The following VPS13D variants were observed in gnomAD, a reference collection of about 807,000 sequenced individuals.
VPS13D encodes vacuolar protein sorting 13 homolog D, also known as intermembrane lipid transfer protein VPS13D.
Under a neutral mutation model 461.9 loss-of-function variants are expected in VPS13D, and 187 were observed. The ratio of observed to expected loss-of-function variants is 0.40; its 90% CI spans 0.36 to 0.46. The LOEUF (loss-of-function observed/expected upper bound fraction) is 0.46. Ranked by LOEUF, VPS13D falls within the 20% of genes least tolerant of loss-of-function variation. The pLI, the probability that VPS13D is intolerant of heterozygous loss-of-function variation, is 0.60. For synonymous variants in VPS13D, 1,951 were observed against 1,986.3 expected, an observed-to-expected ratio of 0.98 and a Z score of 0.47; for missense variants, 4,711 against 5,364.9, an observed-to-expected ratio of 0.88 and a Z score of 3.81.
At chr1:12,321,985 C>G in intron 33 of VPS13D, 21 bp downstream of exon 33, 2 of 1,612,404 alleles carry the variant, frequency 1.2e-6, no homozygotes, top group Non-Finnish European at 1.7e-6. Flanking sequence ...AAAATCTGTG[C>G]AATACGTTGA....
At chr1:12,432,641 G>A (rs896127457) in intron 65 of VPS13D, among the ~76,000 whole-genome samples, 9 of 149,910 alleles carry the variant, frequency 6.0e-5, no homozygotes, top group African/African-American at 2.0e-4. Context: ...AGTCTCACTG[G>A]CTGAAGTGCA....
intron 35 of VPS13D, among the ~76,000 whole-genome samples, chr1:12,327,130 C>T (rs969223300): frequency 3.3e-5 from 5 of 152,090 alleles, no homozygotes; most frequent in Non-Finnish European, 5.9e-5. Flanking sequence ...TGGGTGCTGT[C>T]GGGCACAAAG....
chr1:12,403,042 C>T (rs1410418870), intron 62 of VPS13D, among the ~76,000 whole-genome samples: 1 of 152,210 alleles, frequency 6.6e-6, no homozygotes, highest in Non-Finnish European at 1.5e-5. Context: ...GTCTCTGTTG[C>T]AGTATCATTT....
In VPS13D at chr1:12,401,528, G is replaced by A; in HGVS notation, c.11785-80G>A. The A allele has an allele frequency of 3.0e-6, 3 of 1,001,868 alleles. No homozygotes were observed. In the South Asian group the frequency reaches 4.8e-5, roughly 16 times the overall value. The allele number at this position is 1,001,868 out of a possible 1,614,324, so 62.1% of individuals were successfully genotyped here. On this transcript the variant is annotated intron_variant, in intron 61 of 69. Transcript: ENST00000620676. ...CACATGATTAATGAAAGCATACCAT[G>A]TCATTGAGGCCTTCTTAATAGCACA...
chr1:12,486,637 T>TC (rs942390225), intron 67 of VPS13D, among the ~76,000 whole-genome samples: 9 of 152,102 alleles, frequency 5.9e-5, no homozygotes, highest in East Asian at 3.9e-4. Flanking sequence ...CTTTCTAGTG[T>TC]CCCCCCCACG....
Position 12,506,992 on chromosome 1 carries a change from G to C in VPS13D, c.12934G>C (p.Val4312Leu), listed in dbSNP as rs1227568383. Reference sequence around the variant, plus strand: ...ATACGATGACCTCTACCACTGCCTTGTCTCCAAAGACCATGGGAAGGTGTA... The same window carrying C: ...ATACGATGACCTCTACCACTGCCTTCTCTCCAAAGACCATGGGAAGGTGTA... ...VKYDDLYHCL[V>L]SKDHGKVYVQ... Residue 4312 changes from valine to leucine, a missense_variant, in exon 69 of 70, where the codon GTC becomes CTC. Val to Leu is a conservative substitution (Grantham distance 32). Transcript: ENST00000620676. 6.2e-7 allele frequency: 1 copy of C among 1,614,240 alleles called. No individual in the cohort carries two copies. Among genetic ancestry groups the C allele is most frequent in the South Asian group, 1.1e-5 (1 of 91,082 alleles).
At chr1:12,357,793 C>G (rs1365349136) in intron 49 of VPS13D, among the ~76,000 whole-genome samples, 1 of 152,136 alleles carries the variant, frequency 6.6e-6, no homozygotes, top group African/African-American at 2.4e-5. Context: ...ATCCCAAGGT[C>G]AGGGGTTTGA....
At chr1:12,338,064 C>T (rs1017867814) in intron 39 of VPS13D, 167 bp from the exon 40 acceptor site, 2 of 528,278 alleles carry the variant, frequency 3.8e-6, no homozygotes, top group Non-Finnish European at 3.4e-6. Flanking sequence ...TTCACTTTGT[C>T]AAGTACATTC....
chr1:12,266,897 A>T lies in VPS13D; in HGVS notation c.1611A>T (p.Ala537=). The T allele has an allele frequency of 6.3e-7, 1 of 1,598,120 alleles. No individual in the cohort carries two copies. Among genetic ancestry groups the T allele is most frequent in the East Asian group, 2.2e-5 (1 of 44,664 alleles). The change falls in exon 14 of 70, where the codon GCA becomes GCT. Residue 537 remains alanine, a synonymous_variant. Transcript: ENST00000620676. ...QLEFSDVKLL[A]ESLPRRNSSL... ...CTTTTATAGATGTAAAACTTCTAGC[A>T]GAGTCTCTTCCTCGAAGAAATTCCT...
At chr1:12,265,450 A>G (rs1219271084) in intron 13 of VPS13D, among the ~76,000 whole-genome samples, 2 of 152,178 alleles carry the variant, frequency 1.3e-5, no homozygotes, top group African/African-American at 4.8e-5. Context: ...AACTTTTATT[A>G]TTCAAGAAAT....
Position 12,500,184 on chromosome 1 carries a change from TTTAA to T in VPS13D, c.12794+2563_12794+2566del, listed in dbSNP as rs1646017670. ...AGTTGCATTTAATTTTGTCATTCTATTTAATTAATTAATATTAAAAAGATAGTTA... is the reference window on the plus strand; with the variant it reads ...AGTTGCATTTAATTTTGTCATTCTATTTAATTAATATTAAAAAGATAGTTA... On this transcript the variant is annotated intron_variant, in intron 68 of 69. Coordinates refer to ENST00000620676, the MANE Select transcript of VPS13D (RefSeq NM_015378.4). 6 of 984,344 alleles carry T rather than the reference TTTAA, an allele frequency of 6.1e-6. No individual in the cohort carries two copies. The Admixed American group carries it at 1.8e-4, about 30-fold the overall frequency. 61.0% of individuals were successfully genotyped at this position (984,344 alleles called of 1,614,324 possible). A position where few individuals can be genotyped will look rare whatever the true frequency, so the allele number is the denominator to read the frequency against.
At chr1:12,431,782 A>G (rs552218171) in intron 65 of VPS13D, among the ~76,000 whole-genome samples, 7 of 151,986 alleles carry the variant, frequency 4.6e-5, no homozygotes, top group Non-Finnish European at 7.4e-5. Context: ...TCCTTAAAGC[A>G]CCTTCTATTA....
intron 44 of VPS13D, among the ~76,000 whole-genome samples, chr1:12,347,176 CT>C (rs35845304): frequency 0.02 from 2,991 of 146,168 alleles, 104 homozygotes; most frequent in Admixed American, 0.1. Flanking sequence ...ATCAGGATTT[CT>C]TTTTTTTTTT....
At chr1:12,298,319 T>A (rs146538970) in intron 24 of VPS13D, among the ~76,000 whole-genome samples, 4 of 152,282 alleles carry the variant, frequency 2.6e-5, no homozygotes, top group Admixed American at 6.5e-5. Context: ...AGGCATACTC[T>A]CAGCCAATAG....
chr1:12,294,633 C>T (rs578191401), intron 24 of VPS13D, among the ~76,000 whole-genome samples: 6 of 151,570 alleles, frequency 4.0e-5, no homozygotes, highest in Admixed American at 6.6e-5. Flanking sequence ...GCCAACATGA[C>T]GAAACCCCGT....
chr1:12,337,988 GA>G (rs76484186), intron 39 of VPS13D: 69,833 of 294,830 alleles, frequency 0.24, 1,583 homozygotes, highest in Non-Finnish European at 0.27. Context: ...TCTAATTCAG[GA>G]AAAAAAAAAA....
At chr1:12,446,823 A>T (rs1387012599) in intron 65 of VPS13D, among the ~76,000 whole-genome samples, 8 of 152,248 alleles carry the variant, frequency 5.3e-5, no homozygotes, top group Non-Finnish European at 1.0e-4. Context: ...TCTCCACCCC[A>T]GTCTGGCCTC....
intron 12 of VPS13D, 47 bp from the exon 13 acceptor site, chr1:12,261,854 T>C (rs752781686): frequency 2.6e-6 from 4 of 1,509,604 alleles, no homozygotes; most frequent in Non-Finnish European, 3.6e-6. Flanking sequence ...GGTGCTTTTT[T>C]ATTCTTCCAC....
intron 46 of VPS13D, among the ~76,000 whole-genome samples, chr1:12,353,044 T>C (rs1468881001): frequency 8.3e-6 from 1 of 120,220 alleles, no homozygotes; most frequent in Non-Finnish European, 1.7e-5. Context: ...GAAATGAAGA[T>C]ATATGTCCAA....
Sources: gnomAD v4.1 joint callset for allele counts (sites outside exome capture counted in the v4.1 genomes callset) on GRCh38, gnomAD v4.1.1 for gene constraint, MANE v1.5 for transcripts, NCBI Gene and HGNC (gene_info 2026-07-23, HGNC 2026-07-21) for gene names.